The following GRIN2B variants were observed in gnomAD, a reference collection of about 807,000 sequenced individuals.
The protein encoded by GRIN2B is glutamate ionotropic receptor NMDA type subunit 2B.
In GRIN2B, 5 loss-of-function variants were observed where a neutral mutation model predicts 114.5. The observed-to-expected ratio is 0.04, with a 90% CI of 0.02 to 0.09. GRIN2B has a LOEUF of 0.09. GRIN2B is among the 10% of genes least tolerant of loss of function. The pLI is 1.00. For synonymous variants in GRIN2B, 787 were observed against 745.1 expected (o/e 1.06, Z -0.92); for missense variants, 1,108 against 1,943.5 (o/e 0.57, Z 8.08).
intron 5 of GRIN2B, among the ~76,000 whole-genome samples, chr12:13,660,489 A>T (rs980963723): frequency 1.3e-5 from 2 of 152,068 alleles, no homozygotes; most frequent in Non-Finnish European, 2.9e-5. Flanking sequence ...AAAAGTGCTA[A>T]CTCTGGATAC....
At position 13,808,752 on chromosome 12, in the gene GRIN2B, A is replaced by AAAT. The variant is rs1555142377; in HGVS notation, c.412-54838_412-54837insATT. Among the ~76,000 whole-genome samples, 580 of 109,888 alleles carry AAAT rather than the reference A, an allele frequency of 5.3e-3. 6 individuals are homozygous for AAAT. The highest frequency in any genetic ancestry group is 9.8e-3 in the South Asian group (33 of 3,370). The allele number at this position is 109,888 out of a possible 152,430, so 72.1% of individuals were successfully genotyped here. On this transcript the variant is annotated intron_variant, in intron 3 of 13. Transcript: ENST00000609686. ...AGAACTTAAAGTATAATAAAAAAAAAATATATATATATATATATACATATA... is the reference window on the plus strand; with the variant it reads ...AGAACTTAAAGTATAATAAAAAAAAAAATATATATATATATATATATACATATA...
intron 3 of GRIN2B, among the ~76,000 whole-genome samples, chr12:13,757,859 T>C (rs1863606473): frequency 6.6e-6 from 1 of 152,210 alleles, no homozygotes; most frequent in South Asian, 2.1e-4. Flanking sequence ...TTTCATCTTA[T>C]TATCTGCCTC....
intron 2 of GRIN2B, among the ~76,000 whole-genome samples, chr12:13,929,041 A>C (rs145300468): frequency 1.1e-4 from 16 of 152,358 alleles, no homozygotes; most frequent in African/African-American, 3.8e-4. Context: ...AATAACTAAA[A>C]TATTAAGAAA....
In GRIN2B at chr12:13,614,308, C is replaced by T. The variant is rs146654585; in HGVS notation, c.1654+806G>A. 8.5e-5 allele frequency among the ~76,000 whole-genome samples: 13 copies of T among 152,258 alleles called. No homozygotes were observed. The East Asian group carries it at 1.9e-3, about 23-fold the overall frequency. ...GCCCCATTTAAAAAATGTTGATGTG[C>T]CTTAGAGAGACGGTGACTCGTCCAG... On this transcript the variant is annotated intron_variant, in intron 8 of 13. Transcript: ENST00000609686.
chr12:13,714,928 T>C (rs1289826870), intron 4 of GRIN2B, among the ~76,000 whole-genome samples: 3 of 151,852 alleles, frequency 2.0e-5, no homozygotes, highest in South Asian at 2.1e-4. Context: ...CTGGGAAATA[T>C]GTGTTTATGT....
chr12:13,862,240 G>A (rs1459087240), intron 3 of GRIN2B, among the ~76,000 whole-genome samples: 1 of 152,158 alleles, frequency 6.6e-6, no homozygotes, highest in Admixed American at 6.5e-5. Flanking sequence ...ATTTGACGAG[G>A]TGCTGAACTG....
At chr12:13,642,356 G>A (rs1405863649) in intron 5 of GRIN2B, among the ~76,000 whole-genome samples, 1 of 152,106 alleles carries the variant, frequency 6.6e-6, no homozygotes, top group Non-Finnish European at 1.5e-5. Flanking sequence ...CTTGCTGAAG[G>A]AGCACTAAGT....
rs1555102200 is a variant in GRIN2B, at chr12:13,563,799, C to G, written c.3439G>C (p.Glu1147Gln). Reference protein sequence around the residue: ...FRTKENSPHWEHVDLTDIYKE... With the variant: ...FRTKENSPHWQHVDLTDIYKE... ...TAGATGTCGGTCAGGTCTACGTGCT[C>G]CCAGTGGGGTGAGTTCTCCTTTGTT... is the stretch of plus-strand genomic sequence containing the variant. Residue 1147 changes from glutamate to glutamine, a missense_variant, in exon 14 of 14, where the codon GAG (glutamate) becomes CAG (glutamine). Physicochemically the swap from Glu to Gln is conservative, Grantham distance 29. Coordinates refer to ENST00000609686, the MANE Select transcript of GRIN2B (RefSeq NM_000834.5). The G allele has an allele frequency of 6.2e-7, 1 of 1,613,686 alleles. No homozygotes were observed.
At position 13,624,663 on chromosome 12, in the gene GRIN2B, G is replaced by T. The variant is rs1012006804; in HGVS notation, c.1126-8006C>A. Among the ~76,000 whole-genome samples, 10 of 152,316 alleles carry T rather than the reference G, an allele frequency of 6.6e-5. No homozygotes were observed. The South Asian group carries it at 1.7e-3, about 25-fold the overall frequency. On this transcript the variant is annotated intron_variant, in intron 5 of 13. Transcript: ENST00000609686. Reference sequence around the variant, plus strand: ...TCTTCACTTACTAAGCTGGGGACCGGTGTCTCTGGGTACACACGCTGAAGG... The same window carrying T: ...TCTTCACTTACTAAGCTGGGGACCGTTGTCTCTGGGTACACACGCTGAAGG...
intron 3 of GRIN2B, among the ~76,000 whole-genome samples, chr12:13,831,733 G>A (rs916358561): frequency 7.9e-5 from 12 of 152,176 alleles, no homozygotes; most frequent in Admixed American, 3.3e-4. Flanking sequence ...AGACCTGGCC[G>A]CCTCCTTGGT....
At chr12:13,833,872 T>TG (rs1489572432) in intron 3 of GRIN2B, among the ~76,000 whole-genome samples, 3 of 151,484 alleles carry the variant, frequency 2.0e-5, no homozygotes, top group Non-Finnish European at 4.4e-5. Flanking sequence ...AGATTACAGA[T>TG]GAAAAAAAAA....
chr12:13,940,350 A>T (rs149101497), intron 2 of GRIN2B, among the ~76,000 whole-genome samples: 1 of 152,246 alleles, frequency 6.6e-6, no homozygotes, highest in African/African-American at 2.4e-5. Flanking sequence ...ACCTTTAAAG[A>T]ATTCCACATA....
chr12:13,797,310 ATT>A, intron 3 of GRIN2B, among the ~76,000 whole-genome samples: 1 of 152,238 alleles, frequency 6.6e-6, no homozygotes, highest in African/African-American at 2.4e-5. Context: ...CACCTCCCAA[ATT>A]CCCCACCCCC....
At chr12:13,650,956 C>T (rs1949806689) in intron 5 of GRIN2B, among the ~76,000 whole-genome samples, 1 of 151,882 alleles carries the variant, frequency 6.6e-6, no homozygotes, top group African/African-American at 2.4e-5. Context: ...GAATGCAGAA[C>T]TCTCTGGTCA....
At chr12:13,737,831 T>A (rs1863212620) in intron 4 of GRIN2B, among the ~76,000 whole-genome samples, 1 of 152,238 alleles carries the variant, frequency 6.6e-6, no homozygotes, top group Non-Finnish European at 1.5e-5. Context: ...CTTTCTCCTC[T>A]TCTTCTTATT....
intron 3 of GRIN2B, among the ~76,000 whole-genome samples, chr12:13,754,871 A>G (rs1863550305): frequency 6.6e-6 from 1 of 152,094 alleles, no homozygotes; most frequent in African/African-American, 2.4e-5. Context: ...GGGAGAAGCC[A>G]TTTTAAATGT....
rs139395602 is a variant in GRIN2B, at chr12:13,641,072, C to CTTATTATTA, written c.1126-24424_1126-24416dup. 6.3e-3 allele frequency among the ~76,000 whole-genome samples: 940 copies of CTTATTATTA among 149,442 alleles called. 8 individuals are homozygous for CTTATTATTA. Among genetic ancestry groups the CTTATTATTA allele is most frequent in the African/African-American group, 8.3e-3 (335 of 40,428 alleles). On this transcript the variant is annotated intron_variant, in intron 5 of 13. Transcript: ENST00000609686. ...AACCCTGCTACTTAATTGTATCATG[C>CTTATTATTA]TTATTATTATTATTATTATTATTAT...
At chr12:13,763,592 T>C (rs957577788) in intron 3 of GRIN2B, among the ~76,000 whole-genome samples, 3 of 152,072 alleles carry the variant, frequency 2.0e-5, no homozygotes, top group Non-Finnish European at 4.4e-5. Context: ...ATTAGGGCAT[T>C]ATTAGTGTCA....
chr12:13,746,983 T>C (rs1209631024), intron 4 of GRIN2B, among the ~76,000 whole-genome samples: 1 of 152,198 alleles, frequency 6.6e-6, no homozygotes. Flanking sequence ...AATAAACTTC[T>C]TTATAAATTA....
Sources: allele counts gnomAD v4.1 joint callset (sites outside exome capture counted in the v4.1 genomes callset), GRCh38; gene constraint gnomAD v4.1.1; transcripts MANE v1.5; gene names NCBI Gene and HGNC (gene_info 2026-07-23, HGNC 2026-07-21).